Variants in TAF4 observed in about 807,000 individuals in gnomAD.
The protein encoded by TAF4 is TATA-box binding protein associated factor 4.
In TAF4, 9 loss-of-function variants were observed where a neutral mutation model predicts 90.3. The ratio of observed to expected loss-of-function variants is 0.10; its 90% CI spans 0.06 to 0.17. The LOEUF is 0.17. Among genes scored for constraint, TAF4 ranks in the 10% least tolerant of loss-of-function variants. TAF4 has a pLI of 1.00. For synonymous variants in TAF4, 818 were observed against 638.9 expected, an observed-to-expected ratio of 1.28 and a Z score of -4.23; for missense variants, 1,351 against 1,370.7, an observed-to-expected ratio of 0.99 and a Z score of 0.23.
chr20:62,063,425 G>A (rs1374334302), intron 1 of TAF4, among the ~76,000 whole-genome samples: 1 of 152,060 alleles, frequency 6.6e-6, no homozygotes, highest in Non-Finnish European at 1.5e-5. Context: ...GAGCTCCCCT[G>A]CCCAGCACCC....
intron 14 of TAF4, among the ~76,000 whole-genome samples, chr20:61,989,125 G>A (rs557000170): frequency 2.0e-5 from 3 of 152,270 alleles, no homozygotes; most frequent in Non-Finnish European, 4.4e-5. Flanking sequence ...AAGGACCGTA[G>A]TCTCAACACG....
rs1028458256 is a variant in TAF4 at position 62,040,854 on chromosome 20, C to T, written c.1360+23597G>A. Among the ~76,000 whole-genome samples the T allele has an allele frequency of 7.2e-5, 11 of 152,308 alleles. No homozygotes were observed. The South Asian group carries it at 1.0e-3, about 14-fold the overall frequency. ...CTAACATTTACCCAAAAGAAAAGGA[C>T]GTCTACACGTATGTTCGCACAAAGG... On this transcript the variant is annotated intron_variant, in intron 1 of 14. Coordinates refer to ENST00000252996, the MANE Select transcript of TAF4 (RefSeq NM_003185.4).
chr20:61,998,997 T>A lies in TAF4; in HGVS notation c.2899A>T (p.Met967Leu), dbSNP rs1206553082. Residue 967 changes from methionine to leucine, a missense_variant, in exon 12 of 15, where the codon ATG (methionine) becomes TTG (leucine). Coordinates refer to ENST00000252996, the MANE Select transcript of TAF4 (RefSeq NM_003185.4). ...RKDEQEREIL[M>L]RAAKSRSRQE... ...CCAGCACTCGCCTTTGCTGCCCTCA[T>A]CAGGATCTCCCGCTCCTGCTCATCC... is the stretch of plus-strand genomic sequence containing the variant. 1 of 1,613,830 alleles carries A rather than the reference T, an allele frequency of 6.2e-7. No individual in the cohort carries two copies. The highest frequency in any genetic ancestry group is 1.3e-5 in the African/African-American group (1 of 75,036).
At chr20:61,983,326 G>A (rs867293502) in intron 14 of TAF4, among the ~76,000 whole-genome samples, 2 of 149,842 alleles carry the variant, frequency 1.3e-5, no homozygotes, top group African/African-American at 2.5e-5. Flanking sequence ...AAAGAGCAAA[G>A]AATAAACATC....
At position 62,065,877 on chromosome 20, in the gene TAF4, C is replaced by A. The variant is rs1376603885; in HGVS notation, c.-67G>T. ...GCGCGCCTGGGCGAGGAGGAGGTTC[C>A]GACTGGGGCGGGCGCTGGGCGGGCG... On this transcript the variant is annotated 5_prime_UTR_variant, in exon 1 of 15. Coordinates refer to ENST00000252996, the MANE Select transcript of TAF4 (RefSeq NM_003185.4). The A allele has an allele frequency of 2.8e-6, 3 of 1,076,040 alleles. No homozygotes were observed. The highest frequency in any genetic ancestry group is 3.5e-5 in the African/African-American group (2 of 57,666). The allele number at this position is 1,076,040 out of a possible 1,614,324, so 66.7% of individuals were successfully genotyped here. A position where few individuals can be genotyped will look rare whatever the true frequency, so the allele number is the denominator to read the frequency against.
chr20:62,030,428 T>C (rs1315358390), intron 1 of TAF4, among the ~76,000 whole-genome samples: 2 of 152,228 alleles, frequency 1.3e-5, no homozygotes, highest in Non-Finnish European at 2.9e-5. Flanking sequence ...AAAACAGCTC[T>C]GAAACATTAA....
At chr20:62,048,253 C>T (rs1211834026) in intron 1 of TAF4, among the ~76,000 whole-genome samples, 2 of 152,202 alleles carry the variant, frequency 1.3e-5, no homozygotes, top group Admixed American at 1.3e-4. Flanking sequence ...TGTTGTACCA[C>T]AAATGCTTTT....
intron 1 of TAF4, among the ~76,000 whole-genome samples, chr20:62,028,625 G>A (rs2055887106): frequency 6.6e-6 from 1 of 152,170 alleles, no homozygotes; most frequent in African/African-American, 2.4e-5. Context: ...AACAGGTACA[G>A]TGCACATGCG....
intron 2 of TAF4, among the ~76,000 whole-genome samples, chr20:62,014,034 GTGTGTGTGTGTA>G (rs1388653045): frequency 0.024 from 3,485 of 145,784 alleles, 157 homozygotes; most frequent in African/African-American, 0.084. Flanking sequence ...GTGTGTGTGT[GTGTGTGTGTGTA>G]TGTGTGTGTG....
rs144334828 is a variant in TAF4, at chr20:62,006,426, T to C, written c.2223+84A>G. On this transcript the variant is annotated intron_variant, in intron 7 of 14. Coordinates refer to ENST00000252996, the MANE Select transcript of TAF4 (RefSeq NM_003185.4). This position sits in a 1 kb window ranked among gnomAD's most constrained non-coding sequence, Gnocchi z 7.0. ...TTCCTGCATGCTTGGAAAAGGTTTC[T>C]GAGCCGTGGCCAATTTATCTAAGAA... 11 of 1,313,070 alleles carry C rather than the reference T, an allele frequency of 8.4e-6. No individual in the cohort carries two copies. In the African/African-American group the frequency reaches 1.1e-4, roughly 13 times the overall value. The allele number at this position is 1,313,070 out of a possible 1,614,324, so 81.3% of individuals were successfully genotyped here. A position where few individuals can be genotyped will look rare whatever the true frequency, so the allele number is the denominator to read the frequency against.
chr20:62,036,127 G>C (rs6142932), intron 1 of TAF4, among the ~76,000 whole-genome samples: 31 of 151,938 alleles, frequency 2.0e-4, no homozygotes, highest in African/African-American at 7.2e-4. Context: ...GGGTTCAAGC[G>C]ATTCTCCTGC....
At chr20:62,001,874 T>C (rs569823545) in intron 9 of TAF4, among the ~76,000 whole-genome samples, 6 of 152,216 alleles carry the variant, frequency 3.9e-5, no homozygotes, top group Non-Finnish European at 8.8e-5. Context: ...CTTGTCATTT[T>C]AGTGGAAAAC....
chr20:62,041,126 G>A (rs774815688), intron 1 of TAF4, among the ~76,000 whole-genome samples: 7 of 152,218 alleles, frequency 4.6e-5, no homozygotes, highest in South Asian at 2.1e-4. Flanking sequence ...GATCCACACC[G>A]ACGGCGAGAG....
intron 6 of TAF4, among the ~76,000 whole-genome samples, chr20:62,007,326 G>A (rs559705937): frequency 1.6e-4 from 25 of 152,278 alleles, no homozygotes; most frequent in African/African-American, 5.3e-4. Flanking sequence ...CCTTGCGCAC[G>A]ACAGAACCAC....
chr20:62,009,921 C>T (rs1332674343), intron 4 of TAF4, 125 bp downstream of exon 4: 2 of 1,485,446 alleles, frequency 1.3e-6, no homozygotes, highest in African/African-American at 1.4e-5. Flanking sequence ...AGACTGTTCA[C>T]TGCTTTGTGA....
intron 1 of TAF4, among the ~76,000 whole-genome samples, chr20:62,041,103 G>T (rs1434145410): frequency 1.3e-5 from 2 of 152,046 alleles, no homozygotes; most frequent in African/African-American, 4.8e-5. Flanking sequence ...CGACCTGAGC[G>T]CTCCAAAGGA....
At position 62,003,652 on chromosome 20, in the gene TAF4, A is replaced by G. The variant is rs754442911; in HGVS notation, c.2371+79T>C. 173 of 1,456,298 alleles carry G rather than the reference A, an allele frequency of 1.2e-4. No homozygotes were observed. In the Admixed American group the frequency reaches 1.2e-3, roughly 10 times the overall value. 90.2% of individuals were successfully genotyped at this position (1,456,298 alleles called of 1,614,324 possible). ...TTTATGTAAATGTACATTTTACCCA[A>G]TTAAATAAAAGCCCAATGGCAGCTG... On this transcript the variant is annotated intron_variant, in intron 8 of 14. Coordinates refer to ENST00000252996, the MANE Select transcript of TAF4 (RefSeq NM_003185.4).
At chr20:62,060,591 T>A (rs1184505925) in intron 1 of TAF4, among the ~76,000 whole-genome samples, 1 of 152,242 alleles carries the variant, frequency 6.6e-6, no homozygotes, top group Non-Finnish European at 1.5e-5. Flanking sequence ...GCCCTTGCCC[T>A]ATGCTAGGCA....
In TAF4 at chr20:62,006,362, C is replaced by G; in HGVS notation, c.2223+148G>C. On this transcript the variant is annotated intron_variant, in intron 7 of 14. Transcript: ENST00000252996. The surrounding 1 kb of genome is among the most constrained non-coding windows in gnomAD (Gnocchi z 7.0). ...CCTCAACCTCTGGTTTCTATTTTAACTATTTAAGGTAATACCCAAGCTTCC... is the reference window on the plus strand; with the variant it reads ...CCTCAACCTCTGGTTTCTATTTTAAGTATTTAAGGTAATACCCAAGCTTCC... 9.3e-7 allele frequency: 1 copy of G among 1,070,688 alleles called. No homozygotes were observed. Among genetic ancestry groups the G allele is most frequent in the Non-Finnish European group, 1.2e-6 (1 of 832,846 alleles). 66.3% of individuals were successfully genotyped at this position (1,070,688 alleles called of 1,614,324 possible). A position where few individuals can be genotyped will look rare whatever the true frequency, so the allele number is the denominator to read the frequency against.
Sources: allele counts gnomAD v4.1 joint callset (sites outside exome capture counted in the v4.1 genomes callset), GRCh38; gene constraint gnomAD v4.1.1; non-coding constraint Gnocchi (gnomAD v3.1); transcripts MANE v1.5; gene names NCBI Gene and HGNC (gene_info 2026-07-23, HGNC 2026-07-21).